The following GSE1 variants were observed in gnomAD, a reference collection of about 807,000 sequenced individuals.
GSE1 encodes genetic suppressor element 1.
GSE1 carries 32 observed loss-of-function variants against 112.6 expected under a neutral mutation model. That is an observed-to-expected ratio of 0.28 (90% CI 0.21 to 0.38). GSE1 has a LOEUF of 0.38. GSE1 is among the 10% of genes least tolerant of loss of function. The pLI is 1.00. For missense variants in GSE1, 2,348 were observed against 1,699.2 expected, an observed-to-expected ratio of 1.38 and a Z score of -6.71; for synonymous variants, 1,115 against 735.6, an observed-to-expected ratio of 1.52 and a Z score of -8.35.
Position 85,356,784 on chromosome 16 carries a change from G to A in GSE1, c.2284-679G>A, listed in dbSNP as rs962603455. 2.6e-5 allele frequency among the ~76,000 whole-genome samples: 4 copies of A among 152,152 alleles called. No homozygotes were observed. In the South Asian group the frequency reaches 8.3e-4, roughly 32 times the overall value. On this transcript the variant is annotated intron_variant, in intron 1 of 2. Coordinates refer to the GSE1 transcript ENST00000637419. Reference sequence around the variant, plus strand: ...TGGGATTACAGGCGGGAGCCACCGCGCCTGGCCTGTATCCATTTTGTCATG... The same window carrying A: ...TGGGATTACAGGCGGGAGCCACCGCACCTGGCCTGTATCCATTTTGTCATG...
intron 1 of GSE1, among the ~76,000 whole-genome samples, chr16:85,293,164 C>G (rs1056304006): frequency 3.3e-5 from 5 of 152,118 alleles, no homozygotes; most frequent in Non-Finnish European, 7.4e-5. Flanking sequence ...CCCCCCATCG[C>G]TGTACTTTTT....
chr16:85,431,677 C>T (rs537730772), intron 2 of GSE1, among the ~76,000 whole-genome samples: 4 of 152,262 alleles, frequency 2.6e-5, no homozygotes, highest in East Asian at 1.9e-4. Context: ...TCCTTCGGAG[C>T]GAAGCTCCAC....
intron 1 of GSE1, among the ~76,000 whole-genome samples, chr16:85,341,864 G>A (rs1028825474): frequency 1.3e-5 from 2 of 152,044 alleles, no homozygotes; most frequent in Non-Finnish European, 2.9e-5. Flanking sequence ...ATAAGGCCTC[G>A]TGGTGATGGC....
chr16:85,175,225 C>T (rs1019034621), intron 1 of GSE1, among the ~76,000 whole-genome samples: 7 of 152,186 alleles, frequency 4.6e-5, no homozygotes, highest in Non-Finnish European at 8.8e-5. Flanking sequence ...CCCCGGGTCC[C>T]CAGAGAGCAC....
chr16:85,169,716 C>G, exon 1 of GSE1: 2 of 983,622 alleles, frequency 2.0e-6, no homozygotes, highest in Non-Finnish European at 2.4e-6. Flanking sequence ...TCTTCCCGTT[C>G]CTGCAGCAGC....
At chr16:85,421,140 G>C (rs1368240764) in intron 2 of GSE1, among the ~76,000 whole-genome samples, 1 of 152,246 alleles carries the variant, frequency 6.6e-6, no homozygotes, top group Admixed American at 6.5e-5. Flanking sequence ...CTGTGAAAGT[G>C]TGTGTTAAAC....
At chr16:85,263,598 A>G (rs1200793386) in intron 1 of GSE1, among the ~76,000 whole-genome samples, 1 of 148,366 alleles carries the variant, frequency 6.7e-6, no homozygotes, top group Non-Finnish European at 1.5e-5. Flanking sequence ...TTTGAAATGG[A>G]GTCTCAGTTT....
At chr16:85,206,810 G>GC (rs2075125134) in intron 1 of GSE1, among the ~76,000 whole-genome samples, 1 of 151,192 alleles carries the variant, frequency 6.6e-6, no homozygotes, top group Admixed American at 6.6e-5. Context: ...GGAGGTGCTG[G>GC]CCCCCCGCCA....
intron 1 of GSE1, among the ~76,000 whole-genome samples, chr16:85,348,174 C>G (rs964314472): frequency 6.6e-6 from 1 of 152,132 alleles, no homozygotes; most frequent in Non-Finnish European, 1.5e-5. Flanking sequence ...ATCCATCCAC[C>G]CATTCACTAT....
intron 1 of GSE1, among the ~76,000 whole-genome samples, chr16:85,201,651 C>T (rs1357078532): frequency 7.0e-6 from 1 of 141,932 alleles, no homozygotes; most frequent in African/African-American, 2.6e-5. Context: ...GACTCCGTCT[C>T]AAAAAAAAAA....
At chr16:85,234,693 G>A (rs901444583) in intron 1 of GSE1, among the ~76,000 whole-genome samples, 3 of 152,300 alleles carry the variant, frequency 2.0e-5, no homozygotes, top group African/African-American at 7.2e-5. Context: ...GCCTCACACT[G>A]CCCTTGACCC....
intron 1 of GSE1, among the ~76,000 whole-genome samples, chr16:85,238,610 C>T (rs188697119): frequency 1.2e-3 from 176 of 152,300 alleles, no homozygotes; most frequent in South Asian, 3.1e-3. Context: ...TGCACTCCCC[C>T]TTGGAGGAGC....
rs1198551724 is a variant in GSE1 at position 85,311,841 on chromosome 16, C to A, written c.2284-45622C>A. ...CCCACTGTCTGACCTGTGGCCCCAG[C>A]CGCGAGTCCTTCTCACCCCAGACCC... On this transcript the variant is annotated intron_variant, in intron 1 of 2. Coordinates refer to the GSE1 transcript ENST00000637419. The surrounding 1 kb of genome is among the most constrained non-coding windows in gnomAD (Gnocchi z 4.2). Among the ~76,000 whole-genome samples the A allele has an allele frequency of 1.3e-5, 2 of 152,196 alleles. No homozygotes were observed. The highest frequency in any genetic ancestry group is 2.9e-5 in the Non-Finnish European group (2 of 68,028).
chr16:85,186,990 G>C (rs1056328447), intron 1 of GSE1, among the ~76,000 whole-genome samples: 3 of 152,238 alleles, frequency 2.0e-5, no homozygotes, highest in Non-Finnish European at 2.9e-5. Context: ...ATTTGGTGGG[G>C]TCTGGATGAG....
chr16:85,190,603 C>T (rs1332033984), intron 1 of GSE1, among the ~76,000 whole-genome samples: 1 of 152,248 alleles, frequency 6.6e-6, no homozygotes, highest in Non-Finnish European at 1.5e-5. Context: ...CTCCAAGGCC[C>T]AGGAAGGGAA....
upstream of GSE1, among the ~76,000 whole-genome samples, chr16:85,551,530 G>C (rs921297252): frequency 1.3e-5 from 2 of 152,204 alleles, no homozygotes; most frequent in Non-Finnish European, 1.5e-5. Context: ...GCAAACAACC[G>C]GGCCGTTCAA....
chr16:85,534,003 A>C (rs1436808178), intron 2 of GSE1, among the ~76,000 whole-genome samples: 1 of 152,172 alleles, frequency 6.6e-6, no homozygotes, highest in Non-Finnish European at 1.5e-5. Context: ...GGTCTAGAAT[A>C]ATGCTGTCAC....
chr16:85,347,080 C>T (rs1252208572), intron 1 of GSE1, among the ~76,000 whole-genome samples: 1 of 152,114 alleles, frequency 6.6e-6, no homozygotes, highest in Non-Finnish European at 1.5e-5. Context: ...TGTGGTGTTT[C>T]AGGAAGGCCG....
At chr16:85,471,098 C>G (rs980976486) in intron 2 of GSE1, among the ~76,000 whole-genome samples, 2 of 152,138 alleles carry the variant, frequency 1.3e-5, no homozygotes, top group African/African-American at 4.8e-5. Flanking sequence ...TTGAGCCCAG[C>G]CACGTGAGAG....
Sources: gnomAD v4.1 joint callset for allele counts (sites outside exome capture counted in the v4.1 genomes callset) on GRCh38, gnomAD v4.1.1 for gene constraint, Gnocchi (gnomAD v3.1) non-coding constraint, MANE v1.5 for transcripts, NCBI Gene and HGNC (gene_info 2026-07-23, HGNC 2026-07-21) for gene names.